The following ZNF420 variants were observed in gnomAD, a reference collection of about 807,000 sequenced individuals.
The protein encoded by ZNF420 is ATM and p53-associated KZNF protein.
In ZNF420, 31 loss-of-function variants were observed where a neutral mutation model predicts 44.7. The observed-to-expected ratio is 0.69, with a 90% CI of 0.52 to 0.94. The LOEUF (loss-of-function observed/expected upper bound fraction) is 0.94. ZNF420 is among the 40% of genes least tolerant of loss of function. ZNF420 has a pLI of 0.00. For missense variants in ZNF420, 681 were observed against 827.9 expected (o/e 0.82, Z 2.18); for synonymous variants, 245 against 267.4 (o/e 0.92, Z 0.82).
At chr19:37,049,820 A>G (rs186186725) in intron 1 of ZNF420, among the ~76,000 whole-genome samples, 9 of 151,936 alleles carry the variant, frequency 5.9e-5, no homozygotes, top group Non-Finnish European at 1.0e-4. Context: ...TATTGCCTAC[A>G]TTTTCTTCTA....
At chr19:37,069,224 T>A (rs1177665809) in intron 1 of ZNF420, among the ~76,000 whole-genome samples, 1 of 152,170 alleles carries the variant, frequency 6.6e-6, no homozygotes, top group Non-Finnish European at 1.5e-5. Context: ...TCGAAAACTT[T>A]CAAAGGACTA....
At chr19:37,117,543 A>C (rs1276563643) in intron 4 of ZNF420, among the ~76,000 whole-genome samples, 1 of 152,206 alleles carries the variant, frequency 6.6e-6, no homozygotes, top group Admixed American at 6.5e-5. Flanking sequence ...GAAAAACTGG[A>C]AACTCTAAAA....
At chr19:37,018,978 G>A (rs566491233) in intron 1 of ZNF420, among the ~76,000 whole-genome samples, 5 of 152,114 alleles carry the variant, frequency 3.3e-5, no homozygotes, top group African/African-American at 9.6e-5. Flanking sequence ...TTTTTTGGAG[G>A]ATACCAAATG....
chr19:37,018,219 A>G (rs76857878), intron 1 of ZNF420, among the ~76,000 whole-genome samples: 3,096 of 152,348 alleles, frequency 0.02, 59 homozygotes, highest in Middle Eastern at 0.061. Flanking sequence ...ATATGTCAAT[A>G]CTATCTAAAG....
At chr19:37,021,999 A>T (rs2074653905) in intron 1 of ZNF420, among the ~76,000 whole-genome samples, 1 of 151,184 alleles carries the variant, frequency 6.6e-6, no homozygotes, top group African/African-American at 2.4e-5. Flanking sequence ...ATTACTGAGA[A>T]AATTGAAAAA....
intron 4 of ZNF420, among the ~76,000 whole-genome samples, chr19:37,125,419 A>C (rs1235856255): frequency 6.6e-6 from 1 of 152,204 alleles, no homozygotes; most frequent in African/African-American, 2.4e-5. Flanking sequence ...TCATAGATTT[A>C]GTATGGAGGT....
chr19:37,116,196 GTC>G (rs1290968613), intron 4 of ZNF420, among the ~76,000 whole-genome samples: 2 of 151,666 alleles, frequency 1.3e-5, no homozygotes, highest in Non-Finnish European at 2.9e-5. Context: ...GTGAAACCCT[GTC>G]TCTACTAAAA....
intron 1 of ZNF420, among the ~76,000 whole-genome samples, chr19:37,053,801 G>A (rs1967689043): frequency 6.6e-6 from 1 of 152,186 alleles, no homozygotes; most frequent in African/African-American, 2.4e-5. Flanking sequence ...AGGCTTCTCG[G>A]GGGTCAGGGA....
chr19:37,036,415 C>T (rs945538133), intron 1 of ZNF420, among the ~76,000 whole-genome samples: 1 of 152,158 alleles, frequency 6.6e-6, no homozygotes, highest in African/African-American at 2.4e-5. Context: ...CCTTCCTCCC[C>T]AAATTCCCTC....
At chr19:37,106,379 GTAGA>G (rs1198086550) in intron 4 of ZNF420, among the ~76,000 whole-genome samples, 4 of 152,238 alleles carry the variant, frequency 2.6e-5, no homozygotes, top group East Asian at 3.9e-4. Context: ...TTGATCATGG[GTAGA>G]TAAACTTTTT....
intron 1 of ZNF420, among the ~76,000 whole-genome samples, chr19:37,041,515 C>T (rs982094105): frequency 5.3e-5 from 8 of 152,094 alleles, no homozygotes; most frequent in African/African-American, 1.9e-4. Context: ...TGCACTCCTC[C>T]GAAATGAAGG....
At position 37,031,357 on chromosome 19, in the gene ZNF420, C is replaced by T. The variant is rs191593861; in HGVS notation, c.-125+23275C>T. 2.5e-3 allele frequency among the ~76,000 whole-genome samples: 379 copies of T among 152,232 alleles called. 5 individuals carry two copies. Among genetic ancestry groups the T allele is most frequent in the African/African-American group, 8.6e-3 (356 of 41,538 alleles). On this transcript the variant is annotated intron_variant, in intron 1 of 4. Transcript: ENST00000587029. ...CCTATCCAGGTGAAGAAATAGAGCA[C>T]AACCAACACCAAGAAGTCCTCTGTA...
At chr19:37,096,068 A>G (rs1041739965) in intron 4 of ZNF420, 20 of 151,976 alleles carry the variant, frequency 1.3e-4, no homozygotes, top group African/African-American at 4.1e-4. Flanking sequence ...TCTGGCTTCT[A>G]TTGTTGCTCT....
Position 37,105,211 on chromosome 19 carries a change from A to G in ZNF420, c.136+14090A>G, listed in dbSNP as rs1176459523. On this transcript the variant is annotated intron_variant, in intron 4 of 4. Coordinates refer to ENST00000337995, the MANE Select transcript of ZNF420 (RefSeq NM_144689.5). ...GGGAGGGATCCAGTTTCAGCTTTCT[A>G]CATATGGCTAGCCAGTTTTCCCAGC... is the stretch of plus-strand genomic sequence containing the variant. Among the ~76,000 whole-genome samples the G allele has an allele frequency of 1.3e-5, 2 of 152,198 alleles. 1 individual carries two copies. The highest frequency in any genetic ancestry group is 2.9e-5 in the Non-Finnish European group (2 of 68,040).
chr19:37,019,891 G>C (rs2074634216), intron 1 of ZNF420, among the ~76,000 whole-genome samples: 1 of 151,948 alleles, frequency 6.6e-6, no homozygotes, highest in Non-Finnish European at 1.5e-5. Context: ...GACAGAGCAG[G>C]AGCATCGCCA....
intron 1 of ZNF420, among the ~76,000 whole-genome samples, chr19:37,021,944 A>G (rs1481465695): frequency 1.4e-5 from 1 of 69,540 alleles, no homozygotes; most frequent in Non-Finnish European, 3.5e-5. Flanking sequence ...CTCAAAAAAA[A>G]AAAAAAAAAA....
chr19:37,025,416 A>C (rs1967138082), intron 1 of ZNF420, among the ~76,000 whole-genome samples: 2 of 152,104 alleles, frequency 1.3e-5, no homozygotes, highest in African/African-American at 4.8e-5. Flanking sequence ...TGAGCCTTGA[A>C]ATTTGTAAAA....
intron 4 of ZNF420, among the ~76,000 whole-genome samples, chr19:37,105,928 C>T (rs117175101): frequency 0.015 from 2,271 of 152,238 alleles, 24 homozygotes; most frequent in African/African-American, 0.028. Context: ...AAGGAGATTT[C>T]GGGCAGAGAC....
rs1001246092 is a variant in ZNF420, at chr19:37,130,151, T to C, written c.*1093T>C. The C allele has an allele frequency of 2.9e-5, 45 of 1,550,340 alleles. No individual in the cohort carries two copies. Among genetic ancestry groups the C allele is most frequent in the Non-Finnish European group, 3.7e-5 (42 of 1,146,956 alleles). Reference sequence around the variant, plus strand: ...ACAATGTGGACATCTAAGCTGGAGCTCCGTTACTCTCATGGGGACTTTGAG... The same window carrying C: ...ACAATGTGGACATCTAAGCTGGAGCCCCGTTACTCTCATGGGGACTTTGAG... On this transcript the variant is annotated 3_prime_UTR_variant, in exon 5 of 5. Transcript: ENST00000337995.
Sources: allele counts gnomAD v4.1 joint callset (sites outside exome capture counted in the v4.1 genomes callset), GRCh38; gene constraint gnomAD v4.1.1; transcripts MANE v1.5; gene names NCBI Gene and HGNC (gene_info 2026-07-23, HGNC 2026-07-21).